Variants in NFX1 observed in about 807,000 individuals in gnomAD.
NFX1 encodes the protein transcriptional repressor NF-X1.
Under a neutral mutation model 137.2 loss-of-function variants are expected in NFX1, and 69 were observed. The observed-to-expected ratio is 0.50, with a 90% confidence interval of 0.41 to 0.61. The LOEUF is 0.61. NFX1 is among the 20% of genes least tolerant of loss of function. NFX1 has a pLI of 0.00. For synonymous variants in NFX1, 495 were observed against 474.1 expected (o/e 1.04, Z -0.57); for missense variants, 1,167 against 1,391.0 (o/e 0.84, Z 2.56).
At position 33,318,775 on chromosome 9, in the gene NFX1, G is replaced by C; in HGVS notation, c.1633G>C (p.Asp545His). ...STSRDVLCGT[D>H]VGKSDGFGDF... Reference sequence around the variant, plus strand: ...CTCCCGAGATGTGTTATGTGGAACCGATGTAGGAAAGTCTGATGGATTTGG... The same window carrying C: ...CTCCCGAGATGTGTTATGTGGAACCCATGTAGGAAAGTCTGATGGATTTGG... The change falls in exon 8 of 24, where the codon GAT becomes CAT. Residue 545 changes from aspartate to histidine, a missense_variant. Physicochemically the swap from Asp to His is moderately conservative, Grantham distance 81. Transcript: ENST00000379540. The C allele has an allele frequency of 6.2e-7, 1 of 1,614,172 alleles. No homozygotes were observed. The highest frequency in any genetic ancestry group is 8.5e-7 in the Non-Finnish European group (1 of 1,180,032).
At chr9:33,354,065 C>A in intron 17 of NFX1, 21 bp from the exon 18 acceptor site, 1 of 1,560,964 alleles carries the variant, frequency 6.4e-7, no homozygotes, top group Non-Finnish European at 8.7e-7. Flanking sequence ...CCTCTTTTTC[C>A]CTTTCTTTTT....
intron 13 of NFX1, among the ~76,000 whole-genome samples, chr9:33,343,695 A>G (rs1823308064): frequency 1.3e-5 from 2 of 152,230 alleles, no homozygotes; most frequent in Non-Finnish European, 2.9e-5. Context: ...ATAATAGCCC[A>G]CATTGATCAT....
In NFX1 at chr9:33,350,463, G is replaced by A. The variant is rs557489880; in HGVS notation, c.2425-1097G>A. On this transcript the variant is annotated intron_variant, in intron 15 of 23. Transcript: ENST00000379540. ...AGGAGGGAAAAGATCATCTGCCCCT[G>A]CCAGTTAGTCATAGCATTTTCAAGC... Among the ~76,000 whole-genome samples, 4 of 152,296 alleles carry A rather than the reference G, an allele frequency of 2.6e-5. No homozygotes were observed. The East Asian group carries it at 7.7e-4, about 29-fold the overall frequency.
At chr9:33,305,939 T>G (rs1437325689) in intron 4 of NFX1, among the ~76,000 whole-genome samples, 1 of 152,034 alleles carries the variant, frequency 6.6e-6, no homozygotes, top group East Asian at 1.9e-4. Flanking sequence ...GATGAAAGGG[T>G]ACAGAGTGAG....
intron 17 of NFX1, among the ~76,000 whole-genome samples, chr9:33,353,683 CTTT>C (rs111306917): frequency 3.6e-5 from 4 of 110,092 alleles, no homozygotes; most frequent in Non-Finnish European, 3.8e-5. Context: ...GATAGATTTG[CTTT>C]TTTTTTTTTT....
rs950974471 is a variant in NFX1 at position 33,330,305 on chromosome 9, T to C, written c.2004+1627T>C. On this transcript the variant is annotated intron_variant, in intron 10 of 23. Coordinates refer to ENST00000379540, the MANE Select transcript of NFX1 (RefSeq NM_002504.6). ...AAACACAATGCAGGGTCTGGCAGCA[T>C]CTGACTTGCGAATAATTCTGAGGAT... Among the ~76,000 whole-genome samples the C allele has an allele frequency of 2.6e-5, 4 of 152,296 alleles. No individual in the cohort carries two copies. The South Asian group carries it at 8.3e-4, about 32-fold the overall frequency.
rs917376373 is a variant in NFX1 at position 33,360,087 on chromosome 9, A to G, written c.2874-3923A>G. On this transcript the variant is annotated intron_variant, in intron 19 of 23. Coordinates refer to ENST00000379540, the MANE Select transcript of NFX1 (RefSeq NM_002504.6). ...CCTTGCCCTTTAGGAACCGTCAGTC[A>G]GTGTTCTCAGCTGCAGAATGTAAAT... Among the ~76,000 whole-genome samples the G allele has an allele frequency of 5.9e-5, 9 of 152,342 alleles. No homozygotes were observed. In the East Asian group the frequency reaches 1.3e-3, roughly 23 times the overall value.
At chr9:33,363,716 C>T (rs1182757998) in intron 19 of NFX1, among the ~76,000 whole-genome samples, 1 of 152,098 alleles carries the variant, frequency 6.6e-6, no homozygotes, top group Admixed American at 6.6e-5. Context: ...AAGTCATCCC[C>T]CATTGACCAT....
chr9:33,320,709 G>A (rs1822353070), intron 9 of NFX1, among the ~76,000 whole-genome samples: 1 of 152,194 alleles, frequency 6.6e-6, no homozygotes. Flanking sequence ...CTGAGTGGGT[G>A]TTGAAAGGCC....
intron 10 of NFX1, among the ~76,000 whole-genome samples, chr9:33,329,793 G>A (rs1412527735): frequency 6.6e-6 from 1 of 152,044 alleles, no homozygotes; most frequent in South Asian, 2.1e-4. Context: ...GGAGTAGCTG[G>A]AATTACAGGT....
intron 19 of NFX1, among the ~76,000 whole-genome samples, chr9:33,360,535 TAG>T (rs1486320349): frequency 1.3e-5 from 2 of 152,302 alleles, no homozygotes; most frequent in African/African-American, 4.8e-5. Context: ...CCTTACTGGA[TAG>T]AGTCTTTCAT....
intron 9 of NFX1, among the ~76,000 whole-genome samples, chr9:33,322,856 AG>A (rs1438211255): frequency 6.6e-6 from 1 of 152,240 alleles, no homozygotes; most frequent in Non-Finnish European, 1.5e-5. Context: ...CTTAAAGAAC[AG>A]TAACTAAACT....
intron 11 of NFX1, among the ~76,000 whole-genome samples, chr9:33,334,247 G>T (rs964872942): frequency 6.6e-6 from 1 of 152,158 alleles, no homozygotes; most frequent in African/African-American, 2.4e-5. Context: ...TTAAAGCCAG[G>T]AGTTCAAGAC....
chr9:33,357,687 A>G (rs1587875742), intron 19 of NFX1, among the ~76,000 whole-genome samples: 1 of 148,802 alleles, frequency 6.7e-6, no homozygotes, highest in Admixed American at 6.7e-5. Flanking sequence ...ACACACCACT[A>G]CGCCTGGCTA....
intron 19 of NFX1, among the ~76,000 whole-genome samples, chr9:33,357,091 C>T (rs570198079): frequency 4.6e-5 from 7 of 151,374 alleles, no homozygotes; most frequent in Non-Finnish European, 1.0e-4. Context: ...GTGGGCAGAT[C>T]ACAAGGTCAG....
Position 33,294,691 on chromosome 9 carries a change from T to C in NFX1, c.297T>C (p.His99=), listed in dbSNP as rs1821284958. Reference sequence around the variant, plus strand: ...CTTGTAATAAATCGCCCAAGAGCCATGGCCTTCAGAATCAACCTTGGCAGA... The same window carrying C: ...CTTGTAATAAATCGCCCAAGAGCCACGGCCTTCAGAATCAACCTTGGCAGA... The part of the protein sequence containing the change: ...SSPCNKSPKS[H]GLQNQPWQKL... Residue 99 remains histidine, a synonymous_variant, in exon 2 of 24, where the codon CAT becomes CAC. Transcript: ENST00000379540. 1 of 1,614,116 alleles carries C rather than the reference T, an allele frequency of 6.2e-7. No homozygotes were observed. The highest frequency in any genetic ancestry group is 1.3e-5 in the African/African-American group (1 of 75,018).
intron 15 of NFX1, among the ~76,000 whole-genome samples, chr9:33,349,934 G>C (rs1564141130): frequency 1.3e-5 from 2 of 152,002 alleles, no homozygotes; most frequent in Non-Finnish European, 2.9e-5. Flanking sequence ...TTGAACTCAG[G>C]AGTTCAAGGC....
intron 6 of NFX1, among the ~76,000 whole-genome samples, chr9:33,312,785 C>T (rs546756535): frequency 6.6e-6 from 1 of 152,146 alleles, no homozygotes; most frequent in Non-Finnish European, 1.5e-5. Context: ...GTAGGAGAAT[C>T]GCTTGAAACC....
intron 11 of NFX1, among the ~76,000 whole-genome samples, chr9:33,335,374 G>C (rs775292986): frequency 6.6e-6 from 1 of 151,456 alleles, no homozygotes; most frequent in Non-Finnish European, 1.5e-5. Flanking sequence ...GGAATTACAG[G>C]CACCCACCAC....
Sources: gnomAD v4.1 joint callset for allele counts (sites outside exome capture counted in the v4.1 genomes callset) on GRCh38, gnomAD v4.1.1 for gene constraint, MANE v1.5 for transcripts, NCBI Gene and HGNC (gene_info 2026-07-23, HGNC 2026-07-21) for gene names.